Variants in HDAC9 observed in about 807,000 individuals in gnomAD.
The protein encoded by HDAC9 is histone deacetylase 9, also known as MEF-2 interacting transcription repressor (MITR) protein.
HDAC9 carries 41 observed loss-of-function variants against 139.4 expected under a neutral mutation model. The observed-to-expected ratio is 0.29, with a 90% CI of 0.23 to 0.38. The LOEUF is 0.38. Ranked by LOEUF, HDAC9 falls within the 10% of genes least tolerant of loss-of-function variation. HDAC9 has a pLI of 1.00. For synonymous variants in HDAC9, 517 were observed against 476.2 expected (o/e 1.09, Z -1.12); for missense variants, 1,147 against 1,297.0 (o/e 0.88, Z 1.78).
intron 1 of HDAC9, among the ~76,000 whole-genome samples, chr7:18,148,022 A>G (rs981701022): frequency 2.0e-5 from 3 of 152,138 alleles, no homozygotes; most frequent in East Asian, 3.8e-4. Flanking sequence ...TGTTTCCAGA[A>G]TTTCTGTTCT....
chr7:18,178,833 T>A (rs1528676), intron 2 of HDAC9, among the ~76,000 whole-genome samples: 1 of 152,228 alleles, frequency 6.6e-6, no homozygotes, highest in African/African-American at 2.4e-5. Flanking sequence ...AAGGAAAACA[T>A]CCGGCTTAAA....
chr7:18,126,042 A>G (rs967343215), intron 1 of HDAC9, among the ~76,000 whole-genome samples: 24 of 152,122 alleles, frequency 1.6e-4, no homozygotes, highest in African/African-American at 5.8e-4. Context: ...TGGTTCCATT[A>G]AATTTTGTAT....
chr7:18,283,137 T>C (rs1477416943), intron 2 of HDAC9, among the ~76,000 whole-genome samples: 1 of 152,054 alleles, frequency 6.6e-6, no homozygotes, highest in African/African-American at 2.4e-5. Flanking sequence ...AGAGGTTTCA[T>C]TGACTCACAT....
chr7:18,568,906 G>T (rs1164962233), intron 2 of HDAC9, among the ~76,000 whole-genome samples: 1 of 152,032 alleles, frequency 6.6e-6, no homozygotes, highest in Non-Finnish European at 1.5e-5. Flanking sequence ...AATTAGCTGG[G>T]CGTGGTGGCA....
chr7:18,837,494 C>A (rs1020012667), intron 21 of HDAC9, among the ~76,000 whole-genome samples: 1 of 152,020 alleles, frequency 6.6e-6, no homozygotes, highest in Non-Finnish European at 1.5e-5. Flanking sequence ...GTCTGCCTCC[C>A]AAGTTAACCT....
At chr7:18,419,778 C>G (rs962688000) in intron 1 of HDAC9, among the ~76,000 whole-genome samples, 21 of 152,242 alleles carry the variant, frequency 1.4e-4, no homozygotes, top group African/African-American at 4.8e-4. Flanking sequence ...TAAAATATTT[C>G]CATTTTTATA....
intron 11 of HDAC9, among the ~76,000 whole-genome samples, chr7:18,652,602 A>G (rs550547126): frequency 2.0e-5 from 3 of 152,212 alleles, no homozygotes; most frequent in East Asian, 3.9e-4. Context: ...GATCTCTGCC[A>G]TGCCCCATCC....
At chr7:18,618,610 C>G (rs1839328368) in intron 6 of HDAC9, among the ~76,000 whole-genome samples, 2 of 151,632 alleles carry the variant, frequency 1.3e-5, no homozygotes, top group Non-Finnish European at 2.9e-5. Flanking sequence ...ACATGTAGCT[C>G]TTATGAACTG....
At chr7:18,601,456 T>G (rs1010191735) in intron 6 of HDAC9, among the ~76,000 whole-genome samples, 1 of 149,664 alleles carries the variant, frequency 6.7e-6, no homozygotes, top group Non-Finnish European at 1.5e-5. Flanking sequence ...TCTGTATGCC[T>G]TTTTTTTTTC....
At chr7:18,696,919 T>C (rs921618985) in intron 12 of HDAC9, among the ~76,000 whole-genome samples, 1 of 152,132 alleles carries the variant, frequency 6.6e-6, no homozygotes, top group African/African-American at 2.4e-5. Context: ...GTGAGCATCA[T>C]TGGCGCTGAG....
intron 1 of HDAC9, among the ~76,000 whole-genome samples, chr7:18,305,167 T>C (rs972044372): frequency 6.6e-6 from 1 of 152,162 alleles, no homozygotes; most frequent in African/African-American, 2.4e-5. Context: ...CATAGCCCAC[T>C]TTTTATAATT....
At chr7:18,771,537 A>ATGTGTG (rs144486840) in intron 16 of HDAC9, among the ~76,000 whole-genome samples, 4 of 146,552 alleles carry the variant, frequency 2.7e-5, no homozygotes, top group East Asian at 2.0e-4. Flanking sequence ...ATTTACAGAT[A>ATGTGTG]TGTGTGTGTG....
intron 2 of HDAC9, among the ~76,000 whole-genome samples, chr7:18,521,600 A>G (rs1805055740): frequency 6.6e-6 from 1 of 152,174 alleles, no homozygotes; most frequent in South Asian, 2.1e-4. Context: ...ATTTATCACC[A>G]TACTGTCTCA....
intron 13 of HDAC9, among the ~76,000 whole-genome samples, chr7:18,740,188 G>A (rs1186622810): frequency 1.3e-5 from 2 of 152,186 alleles, no homozygotes; most frequent in Non-Finnish European, 2.9e-5. Context: ...GCTTCCCTTG[G>A]CTAGGAAAGG....
At position 18,130,141 on chromosome 7, in the gene HDAC9, G is replaced by A. The variant is rs145243510; in HGVS notation, c.-96-32088G>A. Among the ~76,000 whole-genome samples the A allele has an allele frequency of 1.3e-4, 20 of 152,220 alleles. No homozygotes were observed. In the East Asian group the frequency reaches 3.5e-3, roughly 26 times the overall value. On this transcript the variant is annotated intron_variant, in intron 1 of 12. Transcript: ENST00000417496. ...AATATTTTCAGAATATATACCAGTTGAGCAGCCCTAATTTGAAATCCAGAA... is the reference window on the plus strand; with the variant it reads ...AATATTTTCAGAATATATACCAGTTAAGCAGCCCTAATTTGAAATCCAGAA...
intron 22 of HDAC9, among the ~76,000 whole-genome samples, chr7:18,897,447 T>C (rs550660346): frequency 4.9e-4 from 75 of 152,104 alleles, no homozygotes; most frequent in African/African-American, 1.8e-3. Context: ...ATAAAAATAA[T>C]GTGACTCCTA....
chr7:18,409,669 G>A (rs1213839298), intron 1 of HDAC9, among the ~76,000 whole-genome samples: 1 of 151,874 alleles, frequency 6.6e-6, no homozygotes, highest in Non-Finnish European at 1.5e-5. Context: ...TTCCTTTTTC[G>A]AGTCCATGTT....
intron 1 of HDAC9, among the ~76,000 whole-genome samples, chr7:18,406,378 C>A (rs1788003596): frequency 6.6e-6 from 1 of 151,444 alleles, no homozygotes. Flanking sequence ...CCCTTTTTTT[C>A]TTTTTCTTTC....
intron 2 of HDAC9, among the ~76,000 whole-genome samples, chr7:18,170,120 TG>T (rs1390193302): frequency 6.6e-6 from 1 of 152,192 alleles, no homozygotes; most frequent in Non-Finnish European, 1.5e-5. Context: ...CTCCAGCATT[TG>T]TTGTTTCCTG....
Sources: allele counts gnomAD v4.1 joint callset (sites outside exome capture counted in the v4.1 genomes callset), GRCh38; gene constraint gnomAD v4.1.1; transcripts MANE v1.5; gene names NCBI Gene and HGNC (gene_info 2026-07-23, HGNC 2026-07-21).